Variants in CD226 observed in about 807,000 individuals in gnomAD.
The protein encoded by CD226 is CD226 antigen.
A neutral mutation model predicts 34.9 loss-of-function variants in CD226; 24 were observed. The observed-to-expected ratio is 0.69, with a 90% CI of 0.50 to 0.97. The LOEUF (loss-of-function observed/expected upper bound fraction) is 0.97. CD226 is among the 50% of genes least tolerant of loss of function. CD226 has a pLI of 0.00. For synonymous variants in CD226, 148 were observed against 147.4 expected (o/e 1.00, Z -0.03); for missense variants, 397 against 412.7 (o/e 0.96, Z 0.33).
intron 4 of CD226, among the ~76,000 whole-genome samples, chr18:69,871,014 C>G (rs565244498): frequency 6.6e-6 from 1 of 152,298 alleles, no homozygotes; most frequent in African/African-American, 2.4e-5. Flanking sequence ...CACATTTAAC[C>G]AAGTGGGACA....
Position 69,859,293 on chromosome 18 carries a change from G to C in CD226, c.*5021C>G, listed in dbSNP as rs1209070432. The C allele has an allele frequency of 6.6e-6, 1 of 151,958 alleles. No individual in the cohort carries two copies. Among genetic ancestry groups the C allele is most frequent in the Admixed American group, 6.6e-5 (1 of 15,258 alleles). 9.4% of individuals were successfully genotyped at this position (151,958 alleles called of 1,614,324 possible). On this transcript the variant is annotated 3_prime_UTR_variant, in exon 6 of 6. Coordinates refer to ENST00000582621, the MANE Select transcript of CD226 (RefSeq NM_001303618.2). ...GGTAGAATTCCTGCTGCATCACAGGGGAGTTTCAGGTCAATTTATGGTAAA... is the reference window on the plus strand; with the variant it reads ...GGTAGAATTCCTGCTGCATCACAGGCGAGTTTCAGGTCAATTTATGGTAAA...
intron 2 of CD226, among the ~76,000 whole-genome samples, chr18:69,940,000 C>G (rs1374422388): frequency 6.6e-6 from 1 of 152,220 alleles, no homozygotes; most frequent in East Asian, 1.9e-4. Context: ...ATAACCCTCA[C>G]GTGTCGTGGG....
At chr18:69,934,310 A>G (rs938994266) in intron 2 of CD226, among the ~76,000 whole-genome samples, 3 of 150,490 alleles carry the variant, frequency 2.0e-5, no homozygotes, top group Non-Finnish European at 4.4e-5. Context: ...ACACACACAC[A>G]CGCACGCACA....
At chr18:69,950,971 TTGTGTGTGTGTGTG>T (rs57098005), upstream of CD226, among the ~76,000 whole-genome samples, 4,535 of 132,698 alleles carry the variant, frequency 0.034, 251 homozygotes, top group African/African-American at 0.12. Context: ...AACTATGATT[TTGTGTGTGTGTGTG>T]TGTGTGTGTG....
chr18:69,948,978 T>G (rs567565167), upstream of CD226, among the ~76,000 whole-genome samples: 43 of 152,252 alleles, frequency 2.8e-4, no homozygotes, highest in African/African-American at 1.0e-3. Context: ...TTCTAATAGA[T>G]TGTGGAAAAG....
At chr18:69,910,208 C>A (rs1026073460) in intron 2 of CD226, among the ~76,000 whole-genome samples, 1 of 152,210 alleles carries the variant, frequency 6.6e-6, no homozygotes, top group Admixed American at 6.5e-5. Flanking sequence ...TGAGGATGGG[C>A]ACACCTTGGA....
At chr18:69,922,646 G>T (rs1326923473) in intron 2 of CD226, among the ~76,000 whole-genome samples, 1 of 152,172 alleles carries the variant, frequency 6.6e-6, no homozygotes. Flanking sequence ...TGCTGGACTT[G>T]AGAAATGAGG....
intron 1 of CD226, among the ~76,000 whole-genome samples, chr18:69,955,737 C>T (rs188148673): frequency 6.6e-6 from 1 of 152,076 alleles, no homozygotes; most frequent in East Asian, 1.9e-4. Flanking sequence ...GTAGCGGGCA[C>T]CTGTAGTCCC....
intron 2 of CD226, among the ~76,000 whole-genome samples, chr18:69,944,000 T>C (rs932669949): frequency 9.2e-5 from 14 of 151,724 alleles, no homozygotes; most frequent in Admixed American, 1.3e-4. Context: ...TACTATTTAA[T>C]GTATTTTCAA....
chr18:69,917,379 C>G (rs1188353431), intron 2 of CD226, among the ~76,000 whole-genome samples: 1 of 152,162 alleles, frequency 6.6e-6, no homozygotes, highest in Non-Finnish European at 1.5e-5. Context: ...GACCAGGACA[C>G]TCCCTCCCCC....
At chr18:69,923,276 A>C (rs1433687541) in intron 2 of CD226, among the ~76,000 whole-genome samples, 1 of 152,170 alleles carries the variant, frequency 6.6e-6, no homozygotes, top group East Asian at 1.9e-4. Flanking sequence ...TCTGATAACA[A>C]AATAGCAAAA....
Position 69,947,438 on chromosome 18 carries a change from TAAAAA to T in CD226, c.-37_-33del. 3 of 1,071,472 alleles carry T rather than the reference TAAAAA, an allele frequency of 2.8e-6. No individual in the cohort carries two copies. The highest frequency in any genetic ancestry group is 2.7e-5 in the Admixed American group (1 of 36,714). 66.4% of individuals were successfully genotyped at this position (1,071,472 alleles called of 1,614,324 possible). ...AAACTGTTTGAAAGGCTGGTTCTAT[TAAAAA>T]AAAAAATTGCTTTTTATAATGTGAC... On this transcript the variant is annotated 5_prime_UTR_variant, in exon 1 of 6. Transcript: ENST00000582621.
chr18:69,887,350 A>C (rs1984620285), intron 3 of CD226, among the ~76,000 whole-genome samples: 1 of 152,108 alleles, frequency 6.6e-6, no homozygotes, highest in Non-Finnish European at 1.5e-5. Flanking sequence ...CACAAATTAA[A>C]AGAGTGAATA....
chr18:69,896,510 G>GT (rs895945679), intron 2 of CD226, among the ~76,000 whole-genome samples: 11 of 151,926 alleles, frequency 7.2e-5, no homozygotes, highest in South Asian at 2.1e-4. Context: ...AAGAGAAAGG[G>GT]TTTTTTTTGT....
chr18:69,912,291 T>C (rs933659261), intron 2 of CD226, among the ~76,000 whole-genome samples: 16 of 152,250 alleles, frequency 1.1e-4, no homozygotes, highest in Non-Finnish European at 1.8e-4. Context: ...AAAGTCAAAG[T>C]GTTTCTTTCA....
chr18:69,914,555 G>A (rs2055363214), intron 2 of CD226, among the ~76,000 whole-genome samples: 1 of 152,146 alleles, frequency 6.6e-6, no homozygotes, highest in Admixed American at 6.5e-5. Flanking sequence ...CATTTCTACT[G>A]AAGTAAATTG....
chr18:69,925,465 C>G (rs1019511111), intron 2 of CD226, among the ~76,000 whole-genome samples: 1 of 151,698 alleles, frequency 6.6e-6, no homozygotes, highest in Non-Finnish European at 1.5e-5. Flanking sequence ...TTTCCACTTT[C>G]TATTCACAGA....
intron 3 of CD226, among the ~76,000 whole-genome samples, chr18:69,883,590 C>A (rs1984389856): frequency 1.3e-5 from 2 of 152,010 alleles, no homozygotes; most frequent in Admixed American, 6.6e-5. Context: ...CGAATTCTTT[C>A]CATCTAAAAA....
chr18:69,939,998 C>T (rs1007637693), intron 2 of CD226, among the ~76,000 whole-genome samples: 1 of 152,236 alleles, frequency 6.6e-6, no homozygotes, highest in Non-Finnish European at 1.5e-5. Context: ...CCATAACCCT[C>T]ACGTGTCGTG....
Sources: allele counts gnomAD v4.1 joint callset (sites outside exome capture counted in the v4.1 genomes callset), GRCh38; gene constraint gnomAD v4.1.1; transcripts MANE v1.5; gene names NCBI Gene and HGNC (gene_info 2026-07-23, HGNC 2026-07-21).